SAMD4A: variants seen among roughly 807,000 people sequenced by gnomAD.
SAMD4A encodes sterile alpha motif domain containing 4A.
A neutral mutation model predicts 81.3 loss-of-function variants in SAMD4A; 33 were observed. The ratio of observed to expected loss-of-function variants is 0.41; its 90% CI spans 0.31 to 0.54. The LOEUF (loss-of-function observed/expected upper bound fraction) is 0.54, where lower values mean the gene tolerates loss of function less well. Ranked by LOEUF, SAMD4A falls within the 20% of genes least tolerant of loss-of-function variation. SAMD4A has a pLI of 0.37. For synonymous variants in SAMD4A, 389 were observed against 382.1 expected (o/e 1.02, Z -0.21); for missense variants, 854 against 951.1 (o/e 0.90, Z 1.34).
chr14:54,749,266 A>G (rs2295819), intron 5 of SAMD4A, among the ~76,000 whole-genome samples: 57,192 of 152,024 alleles, frequency 0.38, 13,206 homozygotes, highest in Non-Finnish European at 0.53. Flanking sequence ...CATGCCACAA[A>G]GAATCTACAT....
chr14:54,591,633 A>G (rs1781227841), intron 2 of SAMD4A, among the ~76,000 whole-genome samples: 1 of 151,690 alleles, frequency 6.6e-6, no homozygotes, highest in African/African-American at 2.4e-5. Flanking sequence ...CAGCATGTGT[A>G]GCTGCCCCAT....
chr14:54,668,609 A>G (rs1237991856), intron 2 of SAMD4A, among the ~76,000 whole-genome samples: 1 of 152,172 alleles, frequency 6.6e-6, no homozygotes, highest in Admixed American at 6.5e-5. Flanking sequence ...ATTTATTTGT[A>G]TTAGCTAGTG....
chr14:54,620,900 C>T (rs1342772733), intron 2 of SAMD4A, among the ~76,000 whole-genome samples: 4 of 152,178 alleles, frequency 2.6e-5, no homozygotes, highest in African/African-American at 4.8e-5. Context: ...GCTGGGACTG[C>T]AGGTACACAC....
chr14:54,627,664 G>A (rs2140326376), intron 2 of SAMD4A, among the ~76,000 whole-genome samples: 1 of 152,322 alleles, frequency 6.6e-6, no homozygotes, highest in African/African-American at 2.4e-5. Context: ...CGGTTACCAG[G>A]CAGTTTTTTA....
chr14:54,779,785 T>G (rs1215931119), intron 11 of SAMD4A, among the ~76,000 whole-genome samples: 1 of 151,938 alleles, frequency 6.6e-6, no homozygotes, highest in East Asian at 1.9e-4. Context: ...ATGGACAAGT[T>G]TTAGCTGTTT....
intron 2 of SAMD4A, among the ~76,000 whole-genome samples, chr14:54,651,160 G>T (rs1282531125): frequency 6.6e-6 from 1 of 152,102 alleles, no homozygotes; most frequent in Non-Finnish European, 1.5e-5. Flanking sequence ...GAGCTCTTTG[G>T]TCTTTCTCTT....
At chr14:54,593,846 A>G (rs1193832173) in intron 2 of SAMD4A, among the ~76,000 whole-genome samples, 1 of 152,162 alleles carries the variant, frequency 6.6e-6, no homozygotes, top group African/African-American at 2.4e-5. Context: ...AGGTCTGGCC[A>G]GGAGAGAGGC....
intron 2 of SAMD4A, among the ~76,000 whole-genome samples, chr14:54,666,094 A>G (rs928861484): frequency 2.0e-5 from 3 of 152,204 alleles, no homozygotes; most frequent in African/African-American, 7.2e-5. Context: ...TTGACCAAGC[A>G]GGACTGACAG....
intron 7 of SAMD4A, among the ~76,000 whole-genome samples, chr14:54,762,189 T>C (rs976828708): frequency 2.0e-5 from 3 of 152,206 alleles, no homozygotes; most frequent in African/African-American, 7.2e-5. Flanking sequence ...AGACCCTTAT[T>C]TCCATATCCT....
chr14:54,621,663 A>G (rs1183278879), intron 2 of SAMD4A, among the ~76,000 whole-genome samples: 1 of 152,156 alleles, frequency 6.6e-6, no homozygotes, highest in African/African-American at 2.4e-5. Flanking sequence ...TGCCCAGCTC[A>G]AAACGCATTT....
intron 11 of SAMD4A, among the ~76,000 whole-genome samples, chr14:54,778,189 C>CAGTTCTCAGCCTTCCTCTTTGTTCATACT (rs1463315946): frequency 6.6e-6 from 1 of 152,182 alleles, no homozygotes; most frequent in Non-Finnish European, 1.5e-5. Flanking sequence ...ACTCTTTTGC[C>CAGTTCTCAGCCTTCCTCTTTGTTCATACT]AGTTCTCAGC....
At chr14:54,648,017 A>G (rs921875459) in intron 2 of SAMD4A, among the ~76,000 whole-genome samples, 8 of 152,244 alleles carry the variant, frequency 5.3e-5, no homozygotes, top group African/African-American at 1.7e-4. Flanking sequence ...GTGGCCCTTG[A>G]GCACTTAAAA....
intron 3 of SAMD4A, among the ~76,000 whole-genome samples, chr14:54,733,351 A>T (rs1309782248): frequency 1.1e-5 from 1 of 89,508 alleles, no homozygotes; most frequent in African/African-American, 3.4e-5. Flanking sequence ...GTATATACGG[A>T]TCTAAAATTT....
At chr14:54,722,025 A>G (rs2037274067) in intron 3 of SAMD4A, among the ~76,000 whole-genome samples, 1 of 152,194 alleles carries the variant, frequency 6.6e-6, no homozygotes, top group South Asian at 2.1e-4. Context: ...GCATAAATAT[A>G]TTTTCATAAT....
chr14:54,623,234 A>G lies in SAMD4A; in HGVS notation c.196+55122A>G, dbSNP rs117936812. Among the ~76,000 whole-genome samples the G allele has an allele frequency of 2.1e-3, 325 of 152,260 alleles. 6 individuals are homozygous for G. In the East Asian group the frequency reaches 0.049, roughly 23 times the overall value. ...ATGAGGCATCTCTGCTGGTCTGCCC[A>G]TCTATACCTGGTATTGCTCCTATGT... On this transcript the variant is annotated intron_variant, in intron 2 of 12. Coordinates refer to ENST00000554335, the MANE Select transcript of SAMD4A (RefSeq NM_015589.6).
Position 54,780,327 on chromosome 14 carries a change from A to C in SAMD4A, c.2044+3787A>C, listed in dbSNP as rs534969024. Among the ~76,000 whole-genome samples the C allele has an allele frequency of 3.9e-5, 6 of 152,304 alleles. 2 individuals carry two copies. In the South Asian group the frequency reaches 1.2e-3, roughly 32 times the overall value. ...CTGATCACCACAGCAAACCTCCTCT[A>C]AGTACCAGCTCACAATTGGGATTCT... is the stretch of plus-strand genomic sequence containing the variant. On this transcript the variant is annotated intron_variant, in intron 11 of 12. Coordinates refer to ENST00000554335, the MANE Select transcript of SAMD4A (RefSeq NM_015589.6).
intron 2 of SAMD4A, among the ~76,000 whole-genome samples, chr14:54,638,162 C>G (rs898244022): frequency 6.6e-6 from 1 of 152,180 alleles, no homozygotes; most frequent in African/African-American, 2.4e-5. Flanking sequence ...AAAGAAAAGT[C>G]TTGTCTTTGC....
intron 3 of SAMD4A, among the ~76,000 whole-genome samples, chr14:54,720,524 AT>A (rs2037234116): frequency 6.6e-6 from 1 of 151,962 alleles, no homozygotes; most frequent in South Asian, 2.1e-4. Flanking sequence ...TTCTTTTCTC[AT>A]GGACTAGCCC....
chr14:54,574,481 AG>A (rs1387558676), intron 2 of SAMD4A, among the ~76,000 whole-genome samples: 1 of 152,184 alleles, frequency 6.6e-6, no homozygotes, highest in Non-Finnish European at 1.5e-5. Context: ...TGGAAGGGGC[AG>A]GCTTCCTGGG....
Sources: gnomAD v4.1 joint callset for allele counts (sites outside exome capture counted in the v4.1 genomes callset) on GRCh38, gnomAD v4.1.1 for gene constraint, MANE v1.5 for transcripts, NCBI Gene and HGNC (gene_info 2026-07-23, HGNC 2026-07-21) for gene names.